The following PRUNE2 variants were observed in gnomAD, a reference collection of about 807,000 sequenced individuals.
The protein encoded by PRUNE2 is protein prune homolog 2.
A neutral mutation model predicts 252.0 loss-of-function variants in PRUNE2; 164 were observed. The observed-to-expected ratio is 0.65, with a 90% CI of 0.57 to 0.74. The LOEUF is 0.74. Among genes scored for constraint, PRUNE2 ranks in the 30% least tolerant of loss-of-function variants. The probability of loss-of-function intolerance (pLI) is 0.00; values close to 1 mark genes in which losing one functional copy is unlikely to be tolerated. For missense variants in PRUNE2, 3,495 were observed against 3,711.0 expected (o/e 0.94, Z 1.51); for synonymous variants, 1,292 against 1,350.2 (o/e 0.96, Z 0.94).
At chr9:76,843,480 A>G (rs2059506005) in intron 4 of PRUNE2, among the ~76,000 whole-genome samples, 1 of 152,218 alleles carries the variant, frequency 6.6e-6, no homozygotes, top group African/African-American at 2.4e-5. Flanking sequence ...ATTTTAAAAA[A>G]GTTCTAAAAA....
chr9:76,898,985 C>T (rs7041111), intron 1 of PRUNE2, among the ~76,000 whole-genome samples: 4,498 of 152,294 alleles, frequency 0.03, 212 homozygotes, highest in African/African-American at 0.1. Context: ...GGGTTTACCC[C>T]ACACATGAGG....
Position 76,709,640 on chromosome 9 carries a change from T to A in PRUNE2, c.2634A>T (p.Ala878=). 2 of 1,614,022 alleles carry A rather than the reference T, an allele frequency of 1.2e-6. No homozygotes were observed. Among genetic ancestry groups the A allele is most frequent in the Middle Eastern group, 3.3e-4 (2 of 6,062 alleles). Residue 878 remains alanine, a synonymous_variant, in exon 8 of 19, where the codon GCA becomes GCT. Transcript: ENST00000376718. Reference sequence around the variant, plus strand: ...CCAGATCAGAACTGGGATTTCCAGGTGCAAAGATGTGATCCCTGGAGTCAT... The same window carrying A: ...CCAGATCAGAACTGGGATTTCCAGGAGCAAAGATGTGATCCCTGGAGTCAT... ...KNNDSRDHIF[A]PGNPSSDLDH...
chr9:76,691,940 C>T lies in PRUNE2; in HGVS notation c.8276+11397G>A, dbSNP rs571780181. ...TTGCAAGGGGCTGGGCAGAATTCGG[C>T]ATCCTCTCATCCCCCTCCCGTCTCC... On this transcript the variant is annotated intron_variant, in intron 9 of 18. Transcript: ENST00000376718. 3.6e-4 allele frequency: 226 copies of T among 633,926 alleles called. 4 individuals are homozygous for T. In the South Asian group the frequency reaches 4.1e-3, roughly 11 times the overall value. 39.3% of individuals were successfully genotyped at this position (633,926 alleles called of 1,614,324 possible).
chr9:76,617,532 T>TG (rs1306282501), intron 18 of PRUNE2, among the ~76,000 whole-genome samples: 1 of 151,982 alleles, frequency 6.6e-6, no homozygotes, highest in Non-Finnish European at 1.5e-5. Context: ...AAAAAATTCT[T>TG]GGTTACTCTT....
rs534776250 is a variant in PRUNE2, at chr9:76,670,463, T to C, written c.8277-14961A>G. On this transcript the variant is annotated intron_variant, in intron 9 of 18. Transcript: ENST00000376718. ...CTGAGATCAAACTGCAAGGCGGCAGTGAGGCTGGGGGAGGGGCGCCCACCA... is the reference window on the plus strand; with the variant it reads ...CTGAGATCAAACTGCAAGGCGGCAGCGAGGCTGGGGGAGGGGCGCCCACCA... 8.5e-3 allele frequency among the ~76,000 whole-genome samples: 1,279 copies of C among 150,940 alleles called. 5 individuals carry two copies. The highest frequency in any genetic ancestry group is 0.013 in the Non-Finnish European group (869 of 67,324).
chr9:76,759,256 A>C (rs1183639934), intron 6 of PRUNE2: 1 of 152,252 alleles, frequency 6.6e-6, no homozygotes, highest in Non-Finnish European at 1.5e-5. Flanking sequence ...CTGTGAACTC[A>C]TACTTACCTC....
chr9:76,683,018 T>A (rs2043640206), intron 9 of PRUNE2, among the ~76,000 whole-genome samples: 2 of 152,248 alleles, frequency 1.3e-5, no homozygotes, highest in Admixed American at 1.3e-4. Flanking sequence ...GTTAGCCCAG[T>A]GTCCTCCCCA....
Position 76,670,844 on chromosome 9 carries a change from C to G in PRUNE2, c.8277-15342G>C, listed in dbSNP as rs374610500. Among the ~76,000 whole-genome samples the G allele has an allele frequency of 2.6e-3, 396 of 151,896 alleles. 2 individuals carry two copies. Among genetic ancestry groups the G allele is most frequent in the Admixed American group, 3.9e-3 (60 of 15,250 alleles). On this transcript the variant is annotated intron_variant, in intron 9 of 18. Coordinates refer to ENST00000376718, the MANE Select transcript of PRUNE2 (RefSeq NM_015225.3). ...CAACAGACCTGCAGCTGAGGGTCCT[C>G]TCTGTTAGAAGGAAAACTAACAAAC...
intron 6 of PRUNE2, among the ~76,000 whole-genome samples, chr9:76,715,794 TA>T (rs2047099769): frequency 6.6e-6 from 1 of 152,166 alleles, no homozygotes; most frequent in African/African-American, 2.4e-5. Flanking sequence ...GTTCAACAGA[TA>T]AAATTATTTC....
chr9:76,874,527 G>T (rs2061379879), intron 1 of PRUNE2, among the ~76,000 whole-genome samples: 1 of 151,988 alleles, frequency 6.6e-6, no homozygotes, highest in Admixed American at 6.6e-5. Context: ...ACATTAAAAA[G>T]AAATGAAAAC....
rs2046486060 is a variant in PRUNE2, at chr9:76,708,741, T to G, written c.3533A>C (p.Glu1178Ala). ...ATCTACCTGATTTGCTTCCTGATAC[T>G]CCAAGCCCCAGGGTTCCAGCTGTCT... ...TVRQLEPWGL[E>A]YQEANQVDWE... Residue 1178 changes from glutamate (E) to alanine (A), a missense_variant, in exon 8 of 19, where the codon GAG becomes GCG. Physicochemically the swap from Glu to Ala is moderately radical, Grantham distance 107. Coordinates refer to ENST00000376718, the MANE Select transcript of PRUNE2 (RefSeq NM_015225.3). 6.2e-7 allele frequency: 1 copy of G among 1,613,872 alleles called. No individual in the cohort carries two copies. The highest frequency in any genetic ancestry group is 1.3e-5 in the African/African-American group (1 of 74,924).
At chr9:76,752,548 G>A (rs887363271) in intron 6 of PRUNE2, among the ~76,000 whole-genome samples, 10 of 152,080 alleles carry the variant, frequency 6.6e-5, no homozygotes, top group Non-Finnish European at 1.5e-5. Flanking sequence ...TCCTTATATG[G>A]AAGTAAAATT....
At chr9:76,619,143 G>A (rs888861580) in intron 18 of PRUNE2, among the ~76,000 whole-genome samples, 197 bp downstream of exon 18, 1 of 152,158 alleles carries the variant, frequency 6.6e-6, no homozygotes, top group Admixed American at 6.5e-5. Context: ...TTGTCCTTTA[G>A]AAATTTAAGG....
chr9:76,893,653 G>T (rs539486551), intron 1 of PRUNE2, among the ~76,000 whole-genome samples: 14 of 152,332 alleles, frequency 9.2e-5, no homozygotes, highest in African/African-American at 3.4e-4. Context: ...TGGTCAGGAG[G>T]CTATTTTGGC....
chr9:76,850,978 C>T (rs892560107), intron 2 of PRUNE2, among the ~76,000 whole-genome samples: 1 of 150,840 alleles, frequency 6.6e-6, no homozygotes, highest in South Asian at 2.1e-4. Flanking sequence ...AAATAGATAA[C>T]ATTTGTATAT....
rs1340683757 is a variant in PRUNE2, at chr9:76,638,263, G to T, written c.8754C>A (p.Ala2918=). The change falls in exon 13 of 19, where the codon GCC becomes GCA. Residue 2918 remains alanine (A), a synonymous_variant. Transcript: ENST00000376718. ...GAAAACAGGCGGCAAACACAATGATGGCATTTAGACCGTCCCCATAGTATC... is the reference window on the plus strand; with the variant it reads ...GAAAACAGGCGGCAAACACAATGATTGCATTTAGACCGTCCCCATAGTATC... ...HGGYYGDGLN[A]IIVFAACFLP... 6.2e-7 allele frequency: 1 copy of T among 1,613,526 alleles called. No individual in the cohort carries two copies. The highest frequency in any genetic ancestry group is 8.5e-7 in the Non-Finnish European group (1 of 1,179,662).
chr9:76,779,542 C>A (rs1414880784), intron 6 of PRUNE2: 1 of 152,156 alleles, frequency 6.6e-6, no homozygotes, highest in Non-Finnish European at 1.5e-5. Context: ...TTTAGAATCT[C>A]ATATTTATTC....
At chr9:76,725,228 C>T (rs946616392) in intron 6 of PRUNE2, among the ~76,000 whole-genome samples, 6 of 152,222 alleles carry the variant, frequency 3.9e-5, no homozygotes, top group South Asian at 2.1e-4. Context: ...ACTTTCTGCA[C>T]GTGTGCATTG....
At chr9:76,757,182 A>G (rs935662500) in intron 6 of PRUNE2, among the ~76,000 whole-genome samples, 1 of 152,254 alleles carries the variant, frequency 6.6e-6, no homozygotes, top group Non-Finnish European at 1.5e-5. Context: ...CCATTCATTT[A>G]TAATCATTTG....
Sources: allele counts gnomAD v4.1 joint callset (sites outside exome capture counted in the v4.1 genomes callset), GRCh38; gene constraint gnomAD v4.1.1; transcripts MANE v1.5; gene names NCBI Gene and HGNC (gene_info 2026-07-23, HGNC 2026-07-21).